The following VPS53 variants were observed in gnomAD, a reference collection of about 807,000 sequenced individuals.
VPS53 encodes vacuolar protein sorting-associated protein 53 homolog.
A neutral mutation model predicts 107.0 loss-of-function variants in VPS53; 70 were observed. The ratio of observed to expected loss-of-function variants is 0.65; its 90% CI spans 0.54 to 0.80. The LOEUF (loss-of-function observed/expected upper bound fraction) is 0.80, where lower values mean the gene tolerates loss of function less well. Among genes scored for constraint, VPS53 ranks in the 30% least tolerant of loss-of-function variants. The pLI, the probability that VPS53 is intolerant of heterozygous loss-of-function variation, is 0.00. For missense variants in VPS53, 917 were observed against 1,049.4 expected, an observed-to-expected ratio of 0.87 and a Z score of 1.74; for synonymous variants, 409 against 393.3, an observed-to-expected ratio of 1.04 and a Z score of -0.47.
intron 5 of VPS53, among the ~76,000 whole-genome samples, chr17:659,768 C>A (rs1461129345): frequency 6.6e-6 from 1 of 152,158 alleles, no homozygotes; most frequent in Non-Finnish European, 1.5e-5. Context: ...CCTAAATATT[C>A]TCCCTCTGCT....
At chr17:599,476 A>G (rs946106079) in intron 12 of VPS53, among the ~76,000 whole-genome samples, 18 of 151,380 alleles carry the variant, frequency 1.2e-4, no homozygotes, top group African/African-American at 9.7e-5. Flanking sequence ...TCTCTGAAAC[A>G]TGTGCTGTGT....
At chr17:690,472 A>G (rs1972739440) in intron 4 of VPS53, among the ~76,000 whole-genome samples, 1 of 152,220 alleles carries the variant, frequency 6.6e-6, no homozygotes, top group Non-Finnish European at 1.5e-5. Context: ...AGATCTGGCA[A>G]TTCCAGGTCT....
intron 8 of VPS53, among the ~76,000 whole-genome samples, chr17:630,222 G>A (rs917629777): frequency 2.0e-5 from 3 of 151,966 alleles, no homozygotes; most frequent in South Asian, 2.1e-4. Flanking sequence ...AACCCAGGGG[G>A]CGGAGGTTGC....
intron 19 of VPS53, among the ~76,000 whole-genome samples, chr17:522,344 T>C (rs117030165): frequency 0.032 from 4,810 of 152,330 alleles, 129 homozygotes; most frequent in South Asian, 0.071. Context: ...TCTCACTTAA[T>C]ATACACAATT....
chr17:706,297 G>C lies in VPS53; in HGVS notation c.168+4236C>G, dbSNP rs757380727. On this transcript the variant is annotated intron_variant, in intron 2 of 21. Transcript: ENST00000437048. ...CTCACGCCTGTAATCCCAGCACTTT[G>C]GGAGGTCAAGGTGGGCAGATCACAA... Among the ~76,000 whole-genome samples, 88 of 152,102 alleles carry C rather than the reference G, an allele frequency of 5.8e-4. 1 individual carries two copies. Among genetic ancestry groups the C allele is most frequent in the Non-Finnish European group, 2.9e-5 (2 of 68,028 alleles).
At chr17:682,287 T>C (rs1196809450) in intron 4 of VPS53, among the ~76,000 whole-genome samples, 1 of 152,172 alleles carries the variant, frequency 6.6e-6, no homozygotes, top group Non-Finnish European at 1.5e-5. Flanking sequence ...AACCCGCTGA[T>C]CAGCTGTGCT....
intron 4 of VPS53, among the ~76,000 whole-genome samples, chr17:680,213 G>C (rs981590557): frequency 3.3e-5 from 5 of 152,188 alleles, no homozygotes; most frequent in Admixed American, 6.5e-5. Flanking sequence ...AGAATCGCTT[G>C]AACCCAGGAG....
intron 11 of VPS53, among the ~76,000 whole-genome samples, chr17:619,407 G>C: frequency 6.9e-6 from 1 of 145,402 alleles, no homozygotes; most frequent in East Asian, 2.1e-4. Flanking sequence ...GGGTAGCTGG[G>C]ACTACAGGCG....
rs543388220 is a variant in VPS53 at position 562,565 on chromosome 17, G to C, written c.1494C>G (p.Thr498=). 2.4e-5 allele frequency: 38 copies of C among 1,613,992 alleles called. 1 individual carries two copies. The Admixed American group carries it at 5.0e-4, about 21-fold the overall frequency. Residue 498 remains threonine, a synonymous_variant, in exon 14 of 22, where the codon ACC becomes ACG. Coordinates refer to ENST00000437048, the MANE Select transcript of VPS53 (RefSeq NM_001128159.3). ...CTCGGAGGTACTTCTGGAAAATGGT[G>C]GTCAGGGCGATCATGGGCTCCCCAG... is the stretch of plus-strand genomic sequence containing the variant. The part of the protein sequence containing the change: ...LSTGEPMIAL[T]TIFQKYLREY...
chr17:599,764 TAAA>T (rs66891205), intron 12 of VPS53, among the ~76,000 whole-genome samples: 2 of 130,104 alleles, frequency 1.5e-5, no homozygotes, highest in Non-Finnish European at 1.7e-5. Flanking sequence ...ATAAATAAAT[TAAA>T]AAAAAAAACA....
chr17:642,870 T>C (rs71355287), intron 7 of VPS53, among the ~76,000 whole-genome samples: 70 of 73,090 alleles, frequency 9.6e-4, no homozygotes, highest in Middle Eastern at 9.4e-3. Flanking sequence ...TACTTGGAAA[T>C]CGAGGACAAC....
intron 4 of VPS53, 145 bp from the exon 5 acceptor site, chr17:662,040 A>G: frequency 1.4e-6 from 1 of 693,214 alleles, no homozygotes; most frequent in Non-Finnish European, 2.4e-6. Context: ...CTGGACCAAA[A>G]TAGTAGAGAC....
At chr17:658,833 G>A (rs144324460) in intron 5 of VPS53, among the ~76,000 whole-genome samples, 2 of 152,224 alleles carry the variant, frequency 1.3e-5, no homozygotes, top group East Asian at 1.9e-4. Flanking sequence ...TGAGACACTC[G>A]GCCGTGAGTT....
chr17:677,117 G>A (rs185502771), intron 4 of VPS53, among the ~76,000 whole-genome samples: 23 of 152,214 alleles, frequency 1.5e-4, no homozygotes, highest in Admixed American at 1.1e-3. Context: ...CATAAGGGAC[G>A]GAAGCAGAAA....
At chr17:565,544 C>T (rs1306223114) in intron 13 of VPS53, among the ~76,000 whole-genome samples, 4 of 152,060 alleles carry the variant, frequency 2.6e-5, no homozygotes, top group African/African-American at 7.2e-5. Flanking sequence ...GGAAGGATCT[C>T]GTTGGTTGAC....
chr17:540,899 C>T (rs1313693624), intron 17 of VPS53, among the ~76,000 whole-genome samples: 1 of 152,200 alleles, frequency 6.6e-6, no homozygotes, highest in Non-Finnish European at 1.5e-5. Context: ...GGGGGGTCAG[C>T]ACTCTTTCTA....
chr17:633,848 G>A (rs1970067901), intron 7 of VPS53, among the ~76,000 whole-genome samples: 1 of 152,212 alleles, frequency 6.6e-6, no homozygotes, highest in African/African-American at 2.4e-5. Flanking sequence ...GGAGCTTCTT[G>A]TGATGCGCAC....
chr17:527,232 GTC>G (rs1389561433), intron 19 of VPS53, among the ~76,000 whole-genome samples: 2 of 152,072 alleles, frequency 1.3e-5, no homozygotes, highest in African/African-American at 2.4e-5. Flanking sequence ...CTCTCCTGCT[GTC>G]TCTCACTGTA....
chr17:549,323 G>C (rs775224310), intron 17 of VPS53, among the ~76,000 whole-genome samples: 1 of 152,164 alleles, frequency 6.6e-6, no homozygotes, highest in African/African-American at 2.4e-5. Flanking sequence ...CCATCACATG[G>C]ATTTTATTTT....
Sources: allele counts gnomAD v4.1 joint callset (sites outside exome capture counted in the v4.1 genomes callset), GRCh38; gene constraint gnomAD v4.1.1; transcripts MANE v1.5; gene names NCBI Gene and HGNC (gene_info 2026-07-23, HGNC 2026-07-21).